Variants in PRCP observed in about 807,000 individuals in gnomAD.
PRCP encodes the protein lysosomal Pro-X carboxypeptidase.
Under a neutral mutation model 54.2 loss-of-function variants are expected in PRCP, and 46 were observed. The ratio of observed to expected loss-of-function variants is 0.85; its 90% CI spans 0.67 to 1.09. The LOEUF is 1.09. Among genes scored for constraint, PRCP ranks in the 50% least tolerant of loss-of-function variants. The pLI is 0.00. For missense variants in PRCP, 613 were observed against 596.8 expected (o/e 1.03, Z -0.28); for synonymous variants, 240 against 212.2 (o/e 1.13, Z -1.14).
chr11:82,841,815 A>G (rs1268012963), intron 6 of PRCP, among the ~76,000 whole-genome samples: 1 of 152,232 alleles, frequency 6.6e-6, no homozygotes, highest in Non-Finnish European at 1.5e-5. Context: ...AAACATTCCT[A>G]GGAAATATGT....
chr11:82,861,077 A>C (rs953783645), intron 1 of PRCP, among the ~76,000 whole-genome samples: 2 of 152,198 alleles, frequency 1.3e-5, no homozygotes, highest in Non-Finnish European at 2.9e-5. Context: ...AAACTCCATT[A>C]GTCCACAAAA....
At chr11:82,882,854 A>AACACACATAC (rs1859782642) in intron 1 of PRCP, among the ~76,000 whole-genome samples, 1 of 72,002 alleles carries the variant, frequency 1.4e-5, no homozygotes, top group Non-Finnish European at 2.6e-5. Flanking sequence ...CTACCTGTGC[A>AACACACATAC]ACACACACAC....
At chr11:82,825,332 C>G (rs1010814254) in intron 8 of PRCP, 1 of 549,062 alleles carries the variant, frequency 1.8e-6, no homozygotes, top group Non-Finnish European at 3.2e-6. Context: ...AAAAAAGAAC[C>G]AGAGATAATT....
At chr11:82,867,207 CATCT>C (rs1490945148) in intron 1 of PRCP, among the ~76,000 whole-genome samples, 3 of 152,092 alleles carry the variant, frequency 2.0e-5, no homozygotes, top group Non-Finnish European at 2.9e-5. Context: ...ATCACAACAG[CATCT>C]ATCTATGTGG....
At chr11:82,852,151 G>C (rs932768473) in intron 3 of PRCP, among the ~76,000 whole-genome samples, 3 of 152,134 alleles carry the variant, frequency 2.0e-5, no homozygotes, top group African/African-American at 7.2e-5. Context: ...GACTTGTCAA[G>C]TCCCTTAATC....
chr11:82,899,277 A>C (rs1274261829), intron 1 of PRCP, among the ~76,000 whole-genome samples: 2 of 152,206 alleles, frequency 1.3e-5, no homozygotes, highest in Non-Finnish European at 2.9e-5. Context: ...CTCTGCTAAG[A>C]GTACGTTATC....
chr11:82,877,253 T>G (rs1408929908), intron 1 of PRCP, among the ~76,000 whole-genome samples: 1 of 152,154 alleles, frequency 6.6e-6, no homozygotes, highest in Non-Finnish European at 1.5e-5. Flanking sequence ...GGAAACAGCA[T>G]AAAAGTTCAG....
chr11:82,844,833 T>C (rs994653212), intron 6 of PRCP, among the ~76,000 whole-genome samples: 1 of 151,650 alleles, frequency 6.6e-6, no homozygotes, highest in Non-Finnish European at 1.5e-5. Flanking sequence ...CTATATTGCA[T>C]GTATTCAACT....
intron 1 of PRCP, among the ~76,000 whole-genome samples, chr11:82,869,212 C>T (rs926939381): frequency 6.6e-6 from 1 of 151,572 alleles, no homozygotes; most frequent in Admixed American, 6.6e-5. Context: ...AAATATTAGC[C>T]GGGTGTGGTG....
In PRCP at chr11:82,824,231, C is replaced by T. The variant is rs1858162470; in HGVS notation, c.*675G>A. The T allele has an allele frequency of 6.6e-6, 1 of 152,182 alleles. No individual in the cohort carries two copies. Among genetic ancestry groups the T allele is most frequent in the Admixed American group, 6.5e-5 (1 of 15,282 alleles). The allele number at this position is 152,182 out of a possible 1,614,324, so 9.4% of individuals were successfully genotyped here. ...TTCTTACTGGCAGTACCACAGTGGCCAACATCCCAGAACTAAGAAAAGCTG... is the reference window on the plus strand; with the variant it reads ...TTCTTACTGGCAGTACCACAGTGGCTAACATCCCAGAACTAAGAAAAGCTG... On this transcript the variant is annotated 3_prime_UTR_variant, in exon 9 of 9. Transcript: ENST00000313010.
chr11:82,842,035 G>A (rs3862769), intron 6 of PRCP, among the ~76,000 whole-genome samples: 33,947 of 152,046 alleles, frequency 0.22, 4,213 homozygotes, highest in Admixed American at 0.35. Context: ...GGGGAAGGGC[G>A]ACAATGCAAG....
intron 1 of PRCP, among the ~76,000 whole-genome samples, chr11:82,878,936 C>T (rs1046951256): frequency 1.3e-5 from 2 of 152,186 alleles, no homozygotes; most frequent in African/African-American, 2.4e-5. Context: ...TTATGGGTTA[C>T]CCAACCTTTC....
In PRCP at chr11:82,825,927, C is replaced by A. The variant is rs566272984; in HGVS notation, c.1275-805G>T. On this transcript the variant is annotated intron_variant, in intron 8 of 8. Transcript: ENST00000313010. ...CACTGAGTAAAAAATCCAATACAAC[C>A]ACAGACAGCATCCCTAATAATATTT... 6 of 152,280 alleles carry A rather than the reference C, an allele frequency of 3.9e-5. No homozygotes were observed. The East Asian group carries it at 1.2e-3, about 29-fold the overall frequency. The allele number at this position is 152,280 out of a possible 1,614,324, so 9.4% of individuals were successfully genotyped here. A position where few individuals can be genotyped will look rare whatever the true frequency, so the allele number is the denominator to read the frequency against.
chr11:82,829,158 A>G (rs1858316866), intron 8 of PRCP: 1 of 152,190 alleles, frequency 6.6e-6, no homozygotes, highest in South Asian at 2.1e-4. Flanking sequence ...TTTAATATCA[A>G]TAGAGCAGGC....
chr11:82,827,639 T>A (rs1467879417), intron 8 of PRCP: 1 of 152,230 alleles, frequency 6.6e-6, no homozygotes, highest in Non-Finnish European at 1.5e-5. Context: ...CTTATGCCAG[T>A]ATCACACTGT....
At chr11:82,843,423 T>G (rs1858724110) in intron 6 of PRCP, 1 of 152,216 alleles carries the variant, frequency 6.6e-6, no homozygotes, top group South Asian at 2.1e-4. Flanking sequence ...AATTCTCACA[T>G]TTATAAGTCA....
At chr11:82,841,542 T>G (rs1313238662) in intron 6 of PRCP, among the ~76,000 whole-genome samples, 2 of 152,026 alleles carry the variant, frequency 1.3e-5, no homozygotes, top group African/African-American at 4.8e-5. Context: ...GAAGATGGAG[T>G]GTGCATCATT....
In PRCP at chr11:82,863,752, T is replaced by A. The variant is rs145652341; in HGVS notation, c.169-3635A>T. On this transcript the variant is annotated intron_variant, in intron 1 of 8. Transcript: ENST00000313010. ...GCCAGAGAAACACTTCCATCTAGAA[T>A]CACAAGGGCCACAAGAACTTCAGAA... Among the ~76,000 whole-genome samples the A allele has an allele frequency of 3.8e-3, 581 of 152,276 alleles. 3 individuals are homozygous for A. Among genetic ancestry groups the A allele is most frequent in the African/African-American group, 0.014 (561 of 41,538 alleles).
chr11:82,872,458 A>G (rs1341417464), intron 1 of PRCP, among the ~76,000 whole-genome samples: 1 of 152,220 alleles, frequency 6.6e-6, no homozygotes, highest in Non-Finnish European at 1.5e-5. Flanking sequence ...TGGTGTTCTT[A>G]TAAGAAAAGA....
Sources: allele counts gnomAD v4.1 joint callset (sites outside exome capture counted in the v4.1 genomes callset), GRCh38; gene constraint gnomAD v4.1.1; transcripts MANE v1.5; gene names NCBI Gene and HGNC (gene_info 2026-07-23, HGNC 2026-07-21).